Variants in PDE4D observed in about 807,000 individuals in gnomAD.
PDE4D encodes the protein phosphodiesterase 4D, also known as 3',5'-cyclic-AMP phosphodiesterase 4D.
Under a neutral mutation model 87.4 loss-of-function variants are expected in PDE4D, and 24 were observed. The ratio of observed to expected loss-of-function variants is 0.27; its 90% CI spans 0.20 to 0.39. The LOEUF (loss-of-function observed/expected upper bound fraction) is 0.39, where lower values mean the gene tolerates loss of function less well. Ranked by LOEUF, PDE4D falls within the 10% of genes least tolerant of loss-of-function variation. PDE4D has a pLI of 1.00. For missense variants in PDE4D, 714 were observed against 1,041.0 expected (o/e 0.69, Z 4.32); for synonymous variants, 384 against 383.2 (o/e 1.00, Z -0.02).
intron 2 of PDE4D, among the ~76,000 whole-genome samples, chr5:60,076,245 G>A (rs536292233): frequency 2.6e-5 from 4 of 151,750 alleles, no homozygotes; most frequent in South Asian, 2.1e-4. Context: ...TGCAAGCTCC[G>A]TCTCCCGTGT....
At chr5:59,340,402 T>C (rs1778514446) in intron 1 of PDE4D, among the ~76,000 whole-genome samples, 1 of 152,164 alleles carries the variant, frequency 6.6e-6, no homozygotes, top group East Asian at 1.9e-4. Flanking sequence ...TACTTTTTAC[T>C]TTTGTGGGTA....
chr5:59,525,197 A>G (rs1812877941), intron 1 of PDE4D, among the ~76,000 whole-genome samples: 1 of 152,244 alleles, frequency 6.6e-6, no homozygotes, highest in Non-Finnish European at 1.5e-5. Context: ...GAAAGCAGCC[A>G]GGAGGGGACT....
At chr5:60,478,033 G>T (rs1261008154) in intron 1 of PDE4D, among the ~76,000 whole-genome samples, 1 of 152,072 alleles carries the variant, frequency 6.6e-6, no homozygotes, top group African/African-American at 2.4e-5. Flanking sequence ...GGAACTGTTT[G>T]TTACACAACA....
At chr5:58,999,848 G>T in intron 6 of PDE4D, 4 of 988,444 alleles carry the variant, frequency 4.0e-6, no homozygotes, top group Non-Finnish European at 4.8e-6. Context: ...TCTCTCCCGA[G>T]CTCCAGGGCT....
chr5:59,058,101 C>T (rs1762609150), intron 5 of PDE4D, among the ~76,000 whole-genome samples: 1 of 152,184 alleles, frequency 6.6e-6, no homozygotes. Flanking sequence ...TAAACACTGG[C>T]TGTCATATAC....
rs188162906 is a variant in PDE4D at position 59,845,391 on chromosome 5, T to C, written c.455+47777A>G. On this transcript the variant is annotated intron_variant, in intron 1 of 14. Coordinates refer to ENST00000340635, the MANE Select transcript of PDE4D (RefSeq NM_001104631.2). ...CCTATATATTGTCCCAGCTCATTTT[T>C]ACTTCTTCCATGAACAGCAATCACA... Among the ~76,000 whole-genome samples the C allele has an allele frequency of 2.7e-3, 415 of 152,246 alleles. 2 individuals carry two copies. Among genetic ancestry groups the C allele is most frequent in the Non-Finnish European group, 2.8e-3 (188 of 67,990 alleles).
At chr5:59,728,770 GTTTAA>G (rs1756959887) in intron 1 of PDE4D, among the ~76,000 whole-genome samples, 1 of 152,042 alleles carries the variant, frequency 6.6e-6, no homozygotes, top group Non-Finnish European at 1.5e-5. Context: ...AATGATTTGT[GTTTAA>G]TTTGTCTCTC....
chr5:59,319,869 G>A (rs947259663), intron 1 of PDE4D, among the ~76,000 whole-genome samples: 2 of 148,044 alleles, frequency 1.4e-5, no homozygotes, highest in Non-Finnish European at 3.0e-5. Context: ...TGTTAGAAAT[G>A]TATTTTTCCA....
chr5:60,381,136 G>T (rs1319134280), intron 1 of PDE4D, among the ~76,000 whole-genome samples: 1 of 152,154 alleles, frequency 6.6e-6, no homozygotes, highest in Admixed American at 6.5e-5. Flanking sequence ...TGATCAGATA[G>T]TTTATGCTAA....
At chr5:59,091,914 G>C (rs1298347799) in intron 5 of PDE4D, among the ~76,000 whole-genome samples, 1 of 152,224 alleles carries the variant, frequency 6.6e-6, no homozygotes, top group East Asian at 1.9e-4. Flanking sequence ...ATCACCAGGT[G>C]TGTATAACAT....
intron 1 of PDE4D, chr5:59,275,692 T>C (rs949392900): frequency 1.2e-5 from 13 of 1,105,052 alleles, no homozygotes; most frequent in East Asian, 5.5e-5. Context: ...GAATTCTGAA[T>C]TGATTCTTCA....
chr5:59,936,709 T>C (rs1044739991), intron 3 of PDE4D, among the ~76,000 whole-genome samples: 1 of 152,226 alleles, frequency 6.6e-6, no homozygotes. Flanking sequence ...TATATTGTTA[T>C]TTTAAATAAA....
intron 1 of PDE4D, among the ~76,000 whole-genome samples, chr5:60,289,191 A>C (rs1752678570): frequency 1.3e-5 from 2 of 152,184 alleles, no homozygotes; most frequent in African/African-American, 2.4e-5. Flanking sequence ...GCGTTAGAAA[A>C]ATGTTTATAA....
intron 1 of PDE4D, among the ~76,000 whole-genome samples, chr5:60,468,339 A>AT (rs1475129946): frequency 1.3e-5 from 2 of 151,848 alleles, no homozygotes; most frequent in African/African-American, 4.8e-5. Context: ...GGATTTTACC[A>AT]TGTTGCCCAG....
At chr5:60,059,040 A>ATG (rs70975363) in intron 2 of PDE4D, among the ~76,000 whole-genome samples, 59,257 of 142,200 alleles carry the variant, frequency 0.42, 12,804 homozygotes, top group Admixed American at 0.5. Context: ...GCATTGTCAT[A>ATG]TGTGTGTGTG....
At chr5:59,267,547 T>C (rs952219598) in intron 1 of PDE4D, among the ~76,000 whole-genome samples, 3 of 152,064 alleles carry the variant, frequency 2.0e-5, no homozygotes, top group African/African-American at 7.2e-5. Flanking sequence ...TATTTTACAA[T>C]TTAGAATGAA....
intron 1 of PDE4D, among the ~76,000 whole-genome samples, chr5:60,399,357 G>C (rs964114608): frequency 6.6e-6 from 1 of 152,174 alleles, no homozygotes; most frequent in African/African-American, 2.4e-5. Flanking sequence ...AAAATTAAAG[G>C]TTCAAAAGAA....
intron 1 of PDE4D, among the ~76,000 whole-genome samples, chr5:59,745,599 C>T (rs968815958): frequency 6.6e-6 from 1 of 152,060 alleles, no homozygotes; most frequent in Non-Finnish European, 1.5e-5. Context: ...ACAGGGGTGA[C>T]GTGCTGATCA....
chr5:60,435,305 A>G (rs1744674747), intron 1 of PDE4D, among the ~76,000 whole-genome samples: 1 of 152,128 alleles, frequency 6.6e-6, no homozygotes, highest in South Asian at 2.1e-4. Context: ...GCATATATTT[A>G]AATTGTTTAA....
Sources: gnomAD v4.1 joint callset for allele counts (sites outside exome capture counted in the v4.1 genomes callset) on GRCh38, gnomAD v4.1.1 for gene constraint, MANE v1.5 for transcripts, NCBI Gene and HGNC (gene_info 2026-07-23, HGNC 2026-07-21) for gene names.